KAT6B: variants seen among roughly 807,000 people sequenced by gnomAD.
KAT6B encodes the protein lysine acetyltransferase 6B.
KAT6B carries 10 observed loss-of-function variants against 187.5 expected under a neutral mutation model. That is an observed-to-expected ratio of 0.05 (90% CI 0.03 to 0.09). The LOEUF (loss-of-function observed/expected upper bound fraction) is 0.09. Ranked by LOEUF, KAT6B falls within the 10% of genes least tolerant of loss-of-function variation. KAT6B has a pLI of 1.00. For synonymous variants in KAT6B, 861 were observed against 926.8 expected (o/e 0.93, Z 1.29); for missense variants, 1,952 against 2,558.9 (o/e 0.76, Z 5.12).
chr10:75,030,994 T>C lies in KAT6B; in HGVS notation c.6170T>C (p.Met2057Thr). 2 of 1,614,186 alleles carry C rather than the reference T, an allele frequency of 1.2e-6. No individual in the cohort carries two copies. Among genetic ancestry groups the C allele is most frequent in the South Asian group, 2.2e-5 (2 of 91,086 alleles). Residue 2057 changes from methionine to threonine, a missense_variant, in exon 18 of 18, where the codon ATG becomes ACG. Met to Thr is a moderately conservative substitution (Grantham distance 81, BLOSUM62 -1). Coordinates refer to ENST00000287239, the MANE Select transcript of KAT6B (RefSeq NM_012330.4). The surrounding 1 kb of genome is among the most constrained non-coding windows in gnomAD (Gnocchi z 4.8). ...MYTAPGHHGYMNTGMSKQSLN... is the reference protein window; with the variant it reads ...MYTAPGHHGYTNTGMSKQSLN... ...ACGGCCCCCGGACATCACGGCTACATGAACACAGGCATGTCCAAACAGTCT... is the reference window on the plus strand; with the variant it reads ...ACGGCCCCCGGACATCACGGCTACACGAACACAGGCATGTCCAAACAGTCT...
Position 74,965,787 on chromosome 10 carries a change from G to A in KAT6B, c.731-3873G>A, listed in dbSNP as rs533177649. Among the ~76,000 whole-genome samples the A allele has an allele frequency of 1.8e-3, 268 of 150,956 alleles. 1 individual carries two copies. The highest frequency in any genetic ancestry group is 6.1e-3 in the African/African-American group (252 of 41,060). On this transcript the variant is annotated intron_variant, in intron 4 of 17. Transcript: ENST00000287239. ...GATGCCCAGGCTGGAGTGCAGTGGC[G>A]TGATCTCGGTTCACTGCAAGCTCCG...
rs150888328 is a variant in KAT6B at position 75,029,310 on chromosome 10, C to A, written c.4486C>A (p.Pro1496Thr). Reference protein sequence around the residue: ...NSEPKELAGDPEAVPESDEEP... With the variant: ...NSEPKELAGDTEAVPESDEEP... ...TGAGCCCAAGGAGCTTGCTGGGGAC[C>A]CTGAAGCTGTACCCGAATCTGACGA... is the stretch of plus-strand genomic sequence containing the variant. Residue 1496 changes from proline to threonine, a missense_variant, in exon 18 of 18, where the codon CCT (proline) becomes ACT (threonine). By Grantham distance (38) the Pro-to-Thr change is conservative (BLOSUM62 -1). Around this residue, in one of 9 missense-constraint regions of KAT6B, gnomAD observed 758 missense variants for 891.4 expected, o/e 0.85. Transcript: ENST00000287239. This position sits in a 1 kb window ranked among gnomAD's most constrained non-coding sequence, Gnocchi z 6.2. 129 of 1,613,886 alleles carry A rather than the reference C, an allele frequency of 8.0e-5. 1 individual carries two copies. Among genetic ancestry groups the A allele is most frequent in the Non-Finnish European group, 1.0e-4 (120 of 1,180,014 alleles).
intron 11 of KAT6B, chr10:74,982,739 T>C (rs1197444485): frequency 6.6e-6 from 1 of 152,536 alleles, no homozygotes; most frequent in African/African-American, 2.4e-5. Context: ...TTTTCTCCTC[T>C]GTGACCCATT....
chr10:74,921,832 G>T (rs1848157015), intron 3 of KAT6B, among the ~76,000 whole-genome samples: 1 of 152,224 alleles, frequency 6.6e-6, no homozygotes, highest in Non-Finnish European at 1.5e-5. Context: ...TTTTGTGACA[G>T]CTCAGTTGCT....
At chr10:74,942,564 G>A (rs963404456) in intron 3 of KAT6B, among the ~76,000 whole-genome samples, 9 of 151,738 alleles carry the variant, frequency 5.9e-5, no homozygotes, top group African/African-American at 1.5e-4. Context: ...TCAGGAGTTC[G>A]AGACCAGCCT....
chr10:74,826,674 G>T lies in KAT6B; in HGVS notation c.-440G>T, dbSNP rs1166079342. ...GGCGGCGGCTTAGCTCCTACCCCTGGCGGCGGCGGCAGCGGTGGCGGAGGC... is the reference window on the plus strand; with the variant it reads ...GGCGGCGGCTTAGCTCCTACCCCTGTCGGCGGCGGCAGCGGTGGCGGAGGC... On this transcript the variant is annotated 5_prime_UTR_variant, in exon 1 of 18. Coordinates refer to ENST00000287239, the MANE Select transcript of KAT6B (RefSeq NM_012330.4). 6.5e-6 allele frequency: 1 copy of T among 153,668 alleles called. No homozygotes were observed. The highest frequency in any genetic ancestry group is 2.4e-5 in the African/African-American group (1 of 41,418). 9.5% of individuals were successfully genotyped at this position (153,668 alleles called of 1,614,324 possible). A position where few individuals can be genotyped will look rare whatever the true frequency, so the allele number is the denominator to read the frequency against.
At chr10:75,014,227 C>G (rs1844819511) in intron 13 of KAT6B, among the ~76,000 whole-genome samples, 1 of 152,116 alleles carries the variant, frequency 6.6e-6, no homozygotes, top group Non-Finnish European at 1.5e-5. Context: ...GTAATCCCAG[C>G]ACTTTGGGAG....
chr10:75,027,228 G>A (rs1033522861), intron 17 of KAT6B, among the ~76,000 whole-genome samples: 8 of 152,186 alleles, frequency 5.3e-5, no homozygotes, highest in African/African-American at 1.9e-4. Context: ...CTCTTAACTC[G>A]GGCATGGTAC....
chr10:74,896,988 A>C (rs558289802), intron 3 of KAT6B, among the ~76,000 whole-genome samples: 1 of 152,336 alleles, frequency 6.6e-6, no homozygotes, highest in South Asian at 2.1e-4. Context: ...GTGTGGGGTC[A>C]ACAATCAAAG....
intron 13 of KAT6B, among the ~76,000 whole-genome samples, chr10:75,006,992 C>T (rs904898204): frequency 2.0e-5 from 3 of 149,510 alleles, no homozygotes; most frequent in Non-Finnish European, 3.0e-5. Context: ...CCCTTGAACC[C>T]GGGAGGCGGA....
chr10:74,865,606 C>G (rs1032342211), intron 3 of KAT6B, among the ~76,000 whole-genome samples: 4 of 151,854 alleles, frequency 2.6e-5, no homozygotes, highest in African/African-American at 9.7e-5. Context: ...ATCTCCACCT[C>G]CCAGGCTCAA....
rs532008095 is a variant in KAT6B, at chr10:75,032,359, G to A, written c.*1313G>A. Reference sequence around the variant, plus strand: ...CCAATGGAACTGTATCATGTGTCACGCCTCAGAACACATACACATTTTGGG... The same window carrying A: ...CCAATGGAACTGTATCATGTGTCACACCTCAGAACACATACACATTTTGGG... On this transcript the variant is annotated 3_prime_UTR_variant, in exon 18 of 18. Transcript: ENST00000287239. 8 of 194,174 alleles carry A rather than the reference G, an allele frequency of 4.1e-5. No individual in the cohort carries two copies. The highest frequency in any genetic ancestry group is 1.6e-4 in the African/African-American group (7 of 43,242). The allele number at this position is 194,174 out of a possible 1,614,324, so 12.0% of individuals were successfully genotyped here. A position where few individuals can be genotyped will look rare whatever the true frequency, so the allele number is the denominator to read the frequency against.
At chr10:74,863,104 CAGAA>C (rs1360214921) in intron 3 of KAT6B, among the ~76,000 whole-genome samples, 1 of 152,132 alleles carries the variant, frequency 6.6e-6, no homozygotes, top group Non-Finnish European at 1.5e-5. Context: ...CTTTGAAAAA[CAGAA>C]AGATTTGGAG....
At chr10:74,854,038 T>G (rs779035145) in intron 3 of KAT6B, among the ~76,000 whole-genome samples, 10 of 152,210 alleles carry the variant, frequency 6.6e-5, no homozygotes, top group African/African-American at 2.2e-4. Context: ...TACAGTAGAT[T>G]AGGTGAAACT....
intron 3 of KAT6B, among the ~76,000 whole-genome samples, chr10:74,880,660 G>A (rs1844780312): frequency 6.6e-6 from 1 of 152,138 alleles, no homozygotes; most frequent in Admixed American, 6.6e-5. Context: ...CTGTCGCCTG[G>A]GCTGAAGTGC....
chr10:74,899,118 G>A (rs1174641648), intron 3 of KAT6B, among the ~76,000 whole-genome samples: 4 of 149,590 alleles, frequency 2.7e-5, no homozygotes, highest in Non-Finnish European at 4.4e-5. Context: ...CTGAGATTGC[G>A]CCACTGCACT....
intron 3 of KAT6B, among the ~76,000 whole-genome samples, chr10:74,861,726 T>C (rs541077931): frequency 1.3e-4 from 20 of 152,362 alleles, no homozygotes; most frequent in African/African-American, 4.6e-4. Flanking sequence ...TAGGTTCTTA[T>C]AAACATGAGC....
intron 7 of KAT6B, 152 bp from the exon 8 acceptor site, chr10:74,975,247 A>G (rs1456827587): frequency 5.8e-6 from 4 of 686,930 alleles, no homozygotes; most frequent in Non-Finnish European, 1.0e-5. Context: ...CTGCCTTTCC[A>G]ACAGAGAAAC....
chr10:74,837,372 G>T (rs1841377606), intron 1 of KAT6B, among the ~76,000 whole-genome samples: 1 of 152,092 alleles, frequency 6.6e-6, no homozygotes, highest in South Asian at 2.1e-4. Context: ...CAAATCCCCA[G>T]AATTAATTTA....
Sources: allele counts gnomAD v4.1 joint callset (sites outside exome capture counted in the v4.1 genomes callset), GRCh38; gene constraint gnomAD v4.1.1; regional missense constraint gnomAD v4.1.1; non-coding constraint Gnocchi (gnomAD v3.1); transcripts MANE v1.5; gene names NCBI Gene and HGNC (gene_info 2026-07-23, HGNC 2026-07-21).